Variants in DGKB observed in about 807,000 individuals in gnomAD.
DGKB encodes the protein diacylglycerol kinase beta.
DGKB carries 67 observed loss-of-function variants against 114.3 expected under a neutral mutation model. The observed-to-expected ratio is 0.59, with a 90% confidence interval of 0.48 to 0.72. The LOEUF is 0.72. Ranked by LOEUF, DGKB falls within the 30% of genes least tolerant of loss-of-function variation. The probability of loss-of-function intolerance (pLI) is 0.00; values close to 1 mark genes in which losing one functional copy is unlikely to be tolerated. For synonymous variants in DGKB, 398 were observed against 323.1 expected, an observed-to-expected ratio of 1.23 and a Z score of -2.49; for missense variants, 907 against 975.2, an observed-to-expected ratio of 0.93 and a Z score of 0.93.
At chr7:14,922,375 C>CGTGTGTGTGTGTGTGT (rs150420213) in intron 1 of DGKB, among the ~76,000 whole-genome samples, 2 of 118,214 alleles carry the variant, frequency 1.7e-5, no homozygotes, top group African/African-American at 7.6e-5. Context: ...GTGTATCCAT[C>CGTGTGTGTGTGTGTGT]GTGTGTGTGT....
At chr7:14,671,343 A>G (rs1818928335) in intron 13 of DGKB, among the ~76,000 whole-genome samples, 1 of 152,166 alleles carries the variant, frequency 6.6e-6, no homozygotes, top group African/African-American at 2.4e-5. Flanking sequence ...GAAATGCTCA[A>G]TAGTCATCAC....
At position 14,222,309 on chromosome 7, in the gene DGKB, A is replaced by G. The variant is rs554221884; in HGVS notation, c.2123-44158T>C. ...CATTTAGTGCTTCAAATTTCTCTCT[A>G]AACACTGCATCCCCAAAATTTGGTA... On this transcript the variant is annotated intron_variant, in intron 23 of 25. Transcript: ENST00000402815. Among the ~76,000 whole-genome samples, 369 of 151,100 alleles carry G rather than the reference A, an allele frequency of 2.4e-3. 1 individual carries two copies. The highest frequency in any genetic ancestry group is 3.8e-3 in the Non-Finnish European group (254 of 67,358).
intron 3 of DGKB, among the ~76,000 whole-genome samples, chr7:14,755,453 ACG>A (rs1357502965): frequency 1.3e-5 from 2 of 152,270 alleles, no homozygotes; most frequent in East Asian, 3.9e-4. Context: ...CTTTTAGAAA[ACG>A]ATGAATTAAT....
chr7:14,298,487 A>T (rs1052391287), intron 23 of DGKB, among the ~76,000 whole-genome samples: 1 of 152,204 alleles, frequency 6.6e-6, no homozygotes, highest in Non-Finnish European at 1.5e-5. Flanking sequence ...TGATGTTGGG[A>T]AAACTGGCTA....
intron 25 of DGKB, among the ~76,000 whole-genome samples, chr7:14,152,929 T>C (rs1782441894): frequency 6.6e-6 from 1 of 152,088 alleles, no homozygotes; most frequent in Non-Finnish European, 1.5e-5. Flanking sequence ...AGGTGCCCCC[T>C]ATTTCATCCA....
intron 1 of DGKB, among the ~76,000 whole-genome samples, chr7:14,846,075 A>G (rs565829280): frequency 1.8e-3 from 279 of 152,338 alleles, no homozygotes; most frequent in African/African-American, 6.2e-3. Context: ...TTGATTTAGC[A>G]TGACCTGGTC....
At chr7:14,944,360 G>A (rs751451532) in intron 1 of DGKB, among the ~76,000 whole-genome samples, 2 of 151,836 alleles carry the variant, frequency 1.3e-5, no homozygotes, top group Admixed American at 6.6e-5. Flanking sequence ...TGTGATATTC[G>A]TGAAGAGAAT....
At chr7:14,516,779 A>G (rs1672967427) in intron 20 of DGKB, among the ~76,000 whole-genome samples, 1 of 152,096 alleles carries the variant, frequency 6.6e-6, no homozygotes, top group African/African-American at 2.4e-5. Flanking sequence ...TTAGGCAGAG[A>G]CTATGCAATG....
At chr7:14,169,721 A>G (rs1780562361) in intron 25 of DGKB, among the ~76,000 whole-genome samples, 1 of 152,202 alleles carries the variant, frequency 6.6e-6, no homozygotes, top group Non-Finnish European at 1.5e-5. Flanking sequence ...AATATGATGG[A>G]TAGCTTTGGC....
At chr7:14,185,980 C>T (rs1204370026) in intron 23 of DGKB, among the ~76,000 whole-genome samples, 1 of 152,118 alleles carries the variant, frequency 6.6e-6, no homozygotes, top group Non-Finnish European at 1.5e-5. Flanking sequence ...TGACCAAGAA[C>T]CCAAAAGCAA....
intron 23 of DGKB, among the ~76,000 whole-genome samples, chr7:14,289,859 C>T (rs572063994): frequency 2.6e-5 from 4 of 151,406 alleles, no homozygotes; most frequent in South Asian, 2.1e-4. Flanking sequence ...TAAAGGCAAA[C>T]GGAACTTTGC....
In DGKB at chr7:14,728,044, C is replaced by T. The variant is rs559119790; in HGVS notation, c.322+7997G>A. 5.6e-4 allele frequency among the ~76,000 whole-genome samples: 85 copies of T among 152,210 alleles called. 1 individual carries two copies. Among genetic ancestry groups the T allele is most frequent in the African/African-American group, 1.9e-3 (78 of 41,534 alleles). On this transcript the variant is annotated intron_variant, in intron 5 of 25. Coordinates refer to ENST00000402815, the MANE Select transcript of DGKB (RefSeq NM_001350709.2). ...TTCTATCTAAAATAAGTACTTGGGG[C>T]GTGACTCAAATGCACAGAAAACATA...
At chr7:14,228,884 C>CTGTGTGTGTGTGTGTGTGTG (rs71548072) in intron 23 of DGKB, among the ~76,000 whole-genome samples, 1,919 of 148,722 alleles carry the variant, frequency 0.013, 134 homozygotes, top group Admixed American at 0.11. Flanking sequence ...AGTTTTTTTT[C>CTGTGTGTGTGTGTGTGTGTG]TGTGTGTGTG....
chr7:14,186,419 G>T (rs1783442107), intron 23 of DGKB, among the ~76,000 whole-genome samples: 1 of 152,154 alleles, frequency 6.6e-6, no homozygotes. Flanking sequence ...ACTGTGGGTG[G>T]GAATGTAAAC....
At chr7:14,343,409 T>G (rs564648836) in intron 22 of DGKB, among the ~76,000 whole-genome samples, 7 of 151,958 alleles carry the variant, frequency 4.6e-5, no homozygotes, top group South Asian at 2.1e-4. Flanking sequence ...CTGTCAGATC[T>G]CAAGCTCTGT....
chr7:14,941,408 TG>T (rs1785564556), intron 1 of DGKB, among the ~76,000 whole-genome samples: 1 of 152,034 alleles, frequency 6.6e-6, no homozygotes, highest in South Asian at 2.1e-4. Context: ...CTGAATGAAT[TG>T]AATAGGAAGA....
chr7:14,548,180 T>G (rs569255202), intron 20 of DGKB, among the ~76,000 whole-genome samples: 5 of 152,276 alleles, frequency 3.3e-5, no homozygotes, highest in Admixed American at 6.5e-5. Flanking sequence ...TTTATTTACA[T>G]GTGAGTGATC....
chr7:14,646,790 C>T (rs946832928), intron 13 of DGKB, among the ~76,000 whole-genome samples: 12 of 151,504 alleles, frequency 7.9e-5, no homozygotes, highest in Admixed American at 7.2e-4. Context: ...TTCTTGAAGA[C>T]ATGAAAATAG....
chr7:14,313,661 C>T (rs1585076605), intron 23 of DGKB, among the ~76,000 whole-genome samples: 1 of 152,270 alleles, frequency 6.6e-6, no homozygotes, highest in East Asian at 1.9e-4. Context: ...ATTGCTAGCA[C>T]AGCAGTCTGA....
Sources: allele counts gnomAD v4.1 joint callset (sites outside exome capture counted in the v4.1 genomes callset), GRCh38; gene constraint gnomAD v4.1.1; transcripts MANE v1.5; gene names NCBI Gene and HGNC (gene_info 2026-07-23, HGNC 2026-07-21).